ZNF618: variants seen among roughly 807,000 people sequenced by gnomAD.
The protein encoded by ZNF618 is neural precursor cell expressed, developmentally down-regulated 10.
ZNF618 carries 34 observed loss-of-function variants against 103.0 expected under a neutral mutation model. The ratio of observed to expected loss-of-function variants is 0.33; its 90% CI spans 0.25 to 0.44. The LOEUF (loss-of-function observed/expected upper bound fraction) is 0.44, where lower values mean the gene tolerates loss of function less well. Among genes scored for constraint, ZNF618 ranks in the 20% least tolerant of loss-of-function variants. The probability of loss-of-function intolerance (pLI) is 1.00; values close to 1 mark genes in which losing one functional copy is unlikely to be tolerated. For missense variants in ZNF618, 1,059 were observed against 1,295.4 expected (o/e 0.82, Z 2.80); for synonymous variants, 551 against 542.2 (o/e 1.02, Z -0.23).
intron 13 of ZNF618, among the ~76,000 whole-genome samples, chr9:114,039,101 T>C (rs1209478826): frequency 6.6e-6 from 1 of 152,148 alleles, no homozygotes; most frequent in African/African-American, 2.4e-5. Context: ...CGCAGTGAAC[T>C]CCAGAGCCCA....
chr9:113,928,971 A>G (rs550088349), intron 1 of ZNF618, among the ~76,000 whole-genome samples: 1 of 152,270 alleles, frequency 6.6e-6, no homozygotes, highest in East Asian at 1.9e-4. Flanking sequence ...GTCTGTGGTA[A>G]GGTAGATTCT....
rs34395313 is a variant in ZNF618, at chr9:113,974,358, A to G, written c.77+5198A>G. Among the ~76,000 whole-genome samples the G allele has an allele frequency of 5.0e-3, 755 of 152,360 alleles. 6 individuals carry two copies. The highest frequency in any genetic ancestry group is 0.01 in the Middle Eastern group (3 of 294). On this transcript the variant is annotated intron_variant, in intron 2 of 14. Coordinates refer to ENST00000374126, the MANE Select transcript of ZNF618 (RefSeq NM_001318042.2). ...AGGCCCTGGAGCTGGAGTAGCAGCAAGGAGGCCGGTGTGGCCACGGAGGCC... is the reference window on the plus strand; with the variant it reads ...AGGCCCTGGAGCTGGAGTAGCAGCAGGGAGGCCGGTGTGGCCACGGAGGCC...
In ZNF618 at chr9:113,951,054, G is replaced by A. The variant is rs12115526; in HGVS notation, c.34-18063G>A. Among the ~76,000 whole-genome samples, 1,047 of 151,424 alleles carry A rather than the reference G, an allele frequency of 6.9e-3. 14 individuals carry two copies. Among genetic ancestry groups the A allele is most frequent in the African/African-American group, 0.024 (977 of 41,210 alleles). On this transcript the variant is annotated intron_variant, in intron 1 of 14. Transcript: ENST00000374126. Reference sequence around the variant, plus strand: ...GACTTGTGTCTTACAAAGACCAAACGAGCTGCAAGTGGAAATTGTTGAATG... The same window carrying A: ...GACTTGTGTCTTACAAAGACCAAACAAGCTGCAAGTGGAAATTGTTGAATG...
intron 1 of ZNF618, among the ~76,000 whole-genome samples, chr9:113,909,633 G>A (rs73552357): frequency 0.17 from 26,451 of 152,056 alleles, 2,461 homozygotes; most frequent in Non-Finnish European, 0.21. Flanking sequence ...CCGTCTCAGG[G>A]CCTGGGCTTG....
At chr9:114,020,821 T>C (rs1238140743) in intron 10 of ZNF618, among the ~76,000 whole-genome samples, 2 of 152,004 alleles carry the variant, frequency 1.3e-5, no homozygotes, top group African/African-American at 4.8e-5. Context: ...GTTAGGTCCC[T>C]CCAGTACAAT....
Position 113,930,122 on chromosome 9 carries a change from G to A in ZNF618, c.34-38995G>A, listed in dbSNP as rs551613733. 9.8e-5 allele frequency among the ~76,000 whole-genome samples: 15 copies of A among 152,302 alleles called. No individual in the cohort carries two copies. The South Asian group carries it at 3.1e-3, about 32-fold the overall frequency. Reference sequence around the variant, plus strand: ...CCTCCTTGTTTGCAAAGGAGACCTAGTGTTACACGTTGTCTGTAGGTTCTG... The same window carrying A: ...CCTCCTTGTTTGCAAAGGAGACCTAATGTTACACGTTGTCTGTAGGTTCTG... On this transcript the variant is annotated intron_variant, in intron 1 of 14. Coordinates refer to ENST00000374126, the MANE Select transcript of ZNF618 (RefSeq NM_001318042.2).
At chr9:113,973,223 C>T (rs1175140394) in intron 2 of ZNF618, among the ~76,000 whole-genome samples, 1 of 152,128 alleles carries the variant, frequency 6.6e-6, no homozygotes, top group African/African-American at 2.4e-5. Context: ...AAATGAAGGG[C>T]CTGAAGTTCC....
intron 1 of ZNF618, among the ~76,000 whole-genome samples, chr9:113,909,383 A>G (rs1165914723): frequency 1.3e-5 from 2 of 151,940 alleles, no homozygotes; most frequent in Admixed American, 6.5e-5. Context: ...AGATGTGGAT[A>G]AGGAAGGGGA....
intron 1 of ZNF618, among the ~76,000 whole-genome samples, chr9:113,952,447 C>A (rs974904765): frequency 6.6e-6 from 1 of 152,342 alleles, no homozygotes; most frequent in Middle Eastern, 3.4e-3. Flanking sequence ...GGGAAGCATA[C>A]CGCCTCAGGA....
At chr9:114,036,256 C>T (rs371965162) in intron 12 of ZNF618, 44 bp from the exon 13 acceptor site, 138 of 1,537,790 alleles carry the variant, frequency 9.0e-5, no homozygotes, top group Non-Finnish European at 1.1e-4. Flanking sequence ...AAGGTGTCTG[C>T]GTCGGTTCCA....
intron 12 of ZNF618, among the ~76,000 whole-genome samples, chr9:114,034,360 G>A (rs1314966631): frequency 6.6e-6 from 1 of 152,162 alleles, no homozygotes; most frequent in Non-Finnish European, 1.5e-5. Flanking sequence ...TCCCAGCCAA[G>A]CCATGCTGCA....
intron 1 of ZNF618, among the ~76,000 whole-genome samples, chr9:113,948,911 T>C (rs62559206): frequency 3.3e-5 from 5 of 152,222 alleles, no homozygotes; most frequent in East Asian, 1.9e-4. Context: ...AGGTTCCTGC[T>C]TTGCTGCATT....
At position 113,889,350 on chromosome 9, in the gene ZNF618, T is replaced by TCCCTCCCTCCCTCC. The variant is rs1554718055; in HGVS notation, c.33+12938_33+12939insCCTCCCTCCCTCCC. On this transcript the variant is annotated intron_variant, in intron 1 of 14. Transcript: ENST00000374126. ...CTCTCTCTCTCTCTCTCTCTCTTTCTCTCCCTCCCTCTCCATGTGTGGTCT... is the reference window on the plus strand; with the variant it reads ...CTCTCTCTCTCTCTCTCTCTCTTTCTCCCTCCCTCCCTCCCTCCCTCCCTCTCCATGTGTGGTCT... Among the ~76,000 whole-genome samples the TCCCTCCCTCCCTCC allele has an allele frequency of 2.7e-5, 4 of 148,356 alleles. No homozygotes were observed. The East Asian group carries it at 7.2e-4, about 27-fold the overall frequency.
intron 1 of ZNF618, among the ~76,000 whole-genome samples, chr9:113,904,311 G>A (rs887589349): frequency 2.0e-5 from 3 of 149,816 alleles, no homozygotes; most frequent in Non-Finnish European, 4.4e-5. Flanking sequence ...AGGTGATTAT[G>A]TTTTTTTTCC....
chr9:113,884,982 GA>G lies in ZNF618; in HGVS notation c.33+8572del, dbSNP rs1340112289. ...GGAATTAAAATTAATTTGGTCTTGA[GA>G]AATAGCGAGAGAATCCTGACTCCTC... On this transcript the variant is annotated intron_variant, in intron 1 of 14. Transcript: ENST00000374126. 2.0e-5 allele frequency among the ~76,000 whole-genome samples: 3 copies of G among 152,324 alleles called. No homozygotes were observed. The East Asian group carries it at 5.8e-4, about 29-fold the overall frequency.
Position 114,002,669 on chromosome 9 carries a change from A to G in ZNF618, c.550+7A>G, listed in dbSNP as rs764249122. 5 of 1,610,988 alleles carry G rather than the reference A, an allele frequency of 3.1e-6. No individual in the cohort carries two copies. The highest frequency in any genetic ancestry group is 2.5e-6 in the Non-Finnish European group (3 of 1,179,482). On this transcript the variant is annotated splice_region_variant and intron_variant, in intron 6 of 14. Coordinates refer to ENST00000374126, the MANE Select transcript of ZNF618 (RefSeq NM_001318042.2). ...GAGGGAGCCTCCCAAAGCAGTGAGTACTTTTTCCTCCTCGTGGGCTGCTGA... is the reference window on the plus strand; with the variant it reads ...GAGGGAGCCTCCCAAAGCAGTGAGTGCTTTTTCCTCCTCGTGGGCTGCTGA...
intron 1 of ZNF618, among the ~76,000 whole-genome samples, chr9:113,956,972 GTTA>G (rs1384051090): frequency 1.3e-5 from 2 of 152,140 alleles, no homozygotes; most frequent in Admixed American, 6.5e-5. Context: ...GGTCAGTACT[GTTA>G]TTATCTGCAT....
At chr9:113,885,598 C>T (rs2130893886) in intron 1 of ZNF618, among the ~76,000 whole-genome samples, 1 of 152,274 alleles carries the variant, frequency 6.6e-6, no homozygotes, top group Admixed American at 6.5e-5. Context: ...CCAGCCTCAT[C>T]CTGTTTCAAT....
At chr9:113,902,618 T>C (rs1324171481) in intron 1 of ZNF618, among the ~76,000 whole-genome samples, 1 of 152,266 alleles carries the variant, frequency 6.6e-6, no homozygotes, top group Non-Finnish European at 1.5e-5. Context: ...AATCTCATTC[T>C]GTTTCTCACT....
Sources: gnomAD v4.1 joint callset for allele counts (sites outside exome capture counted in the v4.1 genomes callset) on GRCh38, gnomAD v4.1.1 for gene constraint, MANE v1.5 for transcripts, NCBI Gene and HGNC (gene_info 2026-07-23, HGNC 2026-07-21) for gene names.